Variants in FBLN5 observed in about 807,000 individuals in gnomAD.
FBLN5 encodes the protein fibulin-5.
Under a neutral mutation model 61.6 loss-of-function variants are expected in FBLN5, and 24 were observed. The ratio of observed to expected loss-of-function variants is 0.39; its 90% CI spans 0.28 to 0.55. The LOEUF (loss-of-function observed/expected upper bound fraction) is 0.55. Ranked by LOEUF, FBLN5 falls within the 20% of genes least tolerant of loss-of-function variation. FBLN5 has a pLI of 0.65. For missense variants in FBLN5, 470 were observed against 594.1 expected (o/e 0.79, Z 2.17); for synonymous variants, 213 against 219.8 (o/e 0.97, Z 0.27).
At position 91,894,120 on chromosome 14, in the gene FBLN5, T is replaced by C. The variant is rs147258645; in HGVS notation, c.502+830A>G. On this transcript the variant is annotated intron_variant, in intron 5 of 10. Coordinates refer to ENST00000342058, the MANE Select transcript of FBLN5 (RefSeq NM_006329.4). ...AGCCCTTAAAAAATATATTTGAGGC[T>C]GGGCATGGTGGCTCACACCTGTAAT... is the stretch of plus-strand genomic sequence containing the variant. Among the ~76,000 whole-genome samples, 72 of 152,280 alleles carry C rather than the reference T, an allele frequency of 4.7e-4. No homozygotes were observed. The East Asian group carries it at 0.014, about 29-fold the overall frequency.
At position 91,926,016 on chromosome 14, in the gene FBLN5, C is replaced by T. The variant is rs564217491; in HGVS notation, c.379+10931G>A. 6.8e-4 allele frequency among the ~76,000 whole-genome samples: 103 copies of T among 152,282 alleles called. 1 individual carries two copies. The highest frequency in any genetic ancestry group is 7.5e-4 in the African/African-American group (31 of 41,548). ...TCCCCTCTGGCTAGCCTGGGTTCAT[C>T]GGTGCCCGCACTCTTCCTTCCGCCA... On this transcript the variant is annotated intron_variant, in intron 4 of 10. Transcript: ENST00000342058.
intron 9 of FBLN5, among the ~76,000 whole-genome samples, chr14:91,878,975 A>G (rs1463502792): frequency 6.6e-6 from 1 of 152,126 alleles, no homozygotes; most frequent in East Asian, 1.9e-4. Context: ...AGCTACTTAA[A>G]AGGCTGAGGC....
chr14:91,946,703 T>C (rs530323224), intron 1 of FBLN5: 2 of 1,533,800 alleles, frequency 1.3e-6, no homozygotes, highest in African/African-American at 2.7e-5. Flanking sequence ...AGCAAAACAT[T>C]TGCTTACATG....
rs1428165277 is a variant in FBLN5, at chr14:91,869,834, G to A, written c.*390C>T. The A allele has an allele frequency of 9.2e-6, 3 of 324,390 alleles. No homozygotes were observed. The highest frequency in any genetic ancestry group is 1.8e-5 in the Non-Finnish European group (3 of 165,822). The allele number at this position is 324,390 out of a possible 1,614,324, so 20.1% of individuals were successfully genotyped here. A position where few individuals can be genotyped will look rare whatever the true frequency, so the allele number is the denominator to read the frequency against. On this transcript the variant is annotated 3_prime_UTR_variant, in exon 11 of 11. Coordinates refer to ENST00000342058, the MANE Select transcript of FBLN5 (RefSeq NM_006329.4). ...GGTCTTTGCAAAGCAGTAACACAGT[G>A]AGAGAAGGAGTGGAAGAGGTGAAGA... is the stretch of plus-strand genomic sequence containing the variant.
intron 5 of FBLN5, among the ~76,000 whole-genome samples, chr14:91,894,293 C>T (rs1192895832): frequency 6.7e-6 from 1 of 148,252 alleles, no homozygotes; most frequent in African/African-American, 2.5e-5. Flanking sequence ...CAGCTACTCA[C>T]TCAGGAGGCT....
At chr14:91,893,954 A>G (rs1245387993) in intron 5 of FBLN5, among the ~76,000 whole-genome samples, 2 of 152,258 alleles carry the variant, frequency 1.3e-5, no homozygotes, top group African/African-American at 4.8e-5. Context: ...ACTAAGCGAA[A>G]GTGTTCCCTT....
At chr14:91,891,125 G>T in intron 6 of FBLN5, 96 bp downstream of exon 6, 1 of 792,492 alleles carries the variant, frequency 1.3e-6, no homozygotes, top group East Asian at 2.4e-5. Flanking sequence ...ATATACTGTA[G>T]CAGCAGTATT....
chr14:91,912,051 T>C (rs752067674), intron 4 of FBLN5, among the ~76,000 whole-genome samples: 14 of 151,686 alleles, frequency 9.2e-5, no homozygotes, highest in Admixed American at 3.3e-4. Flanking sequence ...CATATTAGTT[T>C]AATGCACAAA....
At chr14:91,946,675 G>T in intron 1 of FBLN5, 1 of 1,484,266 alleles carries the variant, frequency 6.7e-7, no homozygotes, top group Non-Finnish European at 9.1e-7. Flanking sequence ...AACTGTAATT[G>T]CAATTTCCTT....
At position 91,937,096 on chromosome 14, in the gene FBLN5, C is replaced by A; in HGVS notation, c.230G>T (p.Arg77Leu). The change falls in exon 4 of 11, where the codon CGA becomes CTA. Residue 77 changes from arginine to leucine, a missense_variant. Arg to Leu is a moderately radical substitution (Grantham distance 102, BLOSUM62 -2). Transcript: ENST00000342058. The stretch of plus-strand genomic sequence containing the variant: ...CGAGTAGGGGTTCGAGTAGGGCCCT[C>A]GATACACAGGGTTTGTCCGGGGAAT... ...LCIPRTNPVY[R>L]GPYSNPYSTP... The A allele has an allele frequency of 6.2e-7, 1 of 1,613,806 alleles. No homozygotes were observed. Among genetic ancestry groups the A allele is most frequent in the African/African-American group, 1.3e-5 (1 of 74,910 alleles).
At chr14:91,924,639 A>G (rs896733425) in intron 4 of FBLN5, among the ~76,000 whole-genome samples, 7 of 152,248 alleles carry the variant, frequency 4.6e-5, no homozygotes, top group African/African-American at 1.7e-4. Context: ...CCAAGATAGC[A>G]CCACTGCACA....
At chr14:91,946,650 A>C (rs1259275484) in intron 1 of FBLN5, 4 of 1,336,490 alleles carry the variant, frequency 3.0e-6, no homozygotes, top group Non-Finnish European at 4.1e-6. Flanking sequence ...GTTCTCCAAG[A>C]CTTAAGGATT....
rs1889516850 is a variant in FBLN5 at position 91,882,322 on chromosome 14, C to A, written c.862+632G>T. 6.6e-6 allele frequency among the ~76,000 whole-genome samples: 1 copy of A among 152,186 alleles called. No individual in the cohort carries two copies. Among genetic ancestry groups the A allele is most frequent in the Admixed American group, 6.5e-5 (1 of 15,284 alleles). On this transcript the variant is annotated intron_variant, in intron 8 of 10. Transcript: ENST00000342058. This position sits in a 1 kb window ranked among gnomAD's most constrained non-coding sequence, Gnocchi z 4.9. ...TTGCCTGGCACTACTACGGAGAATTCTTGCTTGGCAATGGGATAAGGCAGG... is the reference window on the plus strand; with the variant it reads ...TTGCCTGGCACTACTACGGAGAATTATTGCTTGGCAATGGGATAAGGCAGG...
intron 4 of FBLN5, among the ~76,000 whole-genome samples, chr14:91,899,131 C>G (rs565854352): frequency 4.2e-4 from 60 of 143,014 alleles, no homozygotes; most frequent in African/African-American, 1.6e-3. Context: ...TGCTCTACAG[C>G]GGCTGTGTGT....
At chr14:91,944,561 G>A (rs2056155124) in intron 1 of FBLN5, among the ~76,000 whole-genome samples, 1 of 152,186 alleles carries the variant, frequency 6.6e-6, no homozygotes, top group Non-Finnish European at 1.5e-5. Context: ...GTCCTTCGAT[G>A]GATACATGGA....
At chr14:91,928,980 CG>C (rs1489138965) in intron 4 of FBLN5, among the ~76,000 whole-genome samples, 1 of 151,676 alleles carries the variant, frequency 6.6e-6, no homozygotes, top group Non-Finnish European at 1.5e-5. Flanking sequence ...ATGGCATGAA[CG>C]TGGGAGGCAG....
intron 4 of FBLN5, among the ~76,000 whole-genome samples, chr14:91,899,418 CA>C (rs1452428875): frequency 1.3e-5 from 2 of 152,308 alleles, no homozygotes; most frequent in South Asian, 2.1e-4. Context: ...AAGCGCTCAC[CA>C]GCTCTCCCAG....
Position 91,877,651 on chromosome 14 carries a change from A to T in FBLN5, c.1021T>A (p.Cys341Ser). 1 of 1,614,194 alleles carries T rather than the reference A, an allele frequency of 6.2e-7. No individual in the cohort carries two copies. Residue 341 changes from cysteine (C) to serine (S), a missense_variant, in exon 10 of 11, where the codon TGC becomes AGC. Transcript: ENST00000342058. Reference protein sequence around the residue: ...RCMCPAENPGCRDQPFTILYR... With the variant: ...RCMCPAENPGSRDQPFTILYR... Reference sequence around the variant, plus strand: ...AAGATGGTAAAGGGCTGGTCTCTGCAGCCAGGGTTCTCAGCAGGACACATA... The same window carrying T: ...AAGATGGTAAAGGGCTGGTCTCTGCTGCCAGGGTTCTCAGCAGGACACATA...
In FBLN5 at chr14:91,882,004, A is replaced by G. The variant is rs1000612960; in HGVS notation, c.863-586T>C. On this transcript the variant is annotated intron_variant, in intron 8 of 10. Transcript: ENST00000342058. The surrounding 1 kb of genome is among the most constrained non-coding windows in gnomAD (Gnocchi z 4.9). Reference sequence around the variant, plus strand: ...GCCTGTACTAAAAATACAAAATACAAAAATTAGCCCGGCATGGTGGCATGT... The same window carrying G: ...GCCTGTACTAAAAATACAAAATACAGAAATTAGCCCGGCATGGTGGCATGT... 1.3e-5 allele frequency among the ~76,000 whole-genome samples: 2 copies of G among 151,774 alleles called. No individual in the cohort carries two copies. Among genetic ancestry groups the G allele is most frequent in the Non-Finnish European group, 2.9e-5 (2 of 67,928 alleles).
Sources: allele counts gnomAD v4.1 joint callset (sites outside exome capture counted in the v4.1 genomes callset), GRCh38; gene constraint gnomAD v4.1.1; non-coding constraint Gnocchi (gnomAD v3.1); transcripts MANE v1.5; gene names NCBI Gene and HGNC (gene_info 2026-07-23, HGNC 2026-07-21).